The following WDFY4 variants were observed in gnomAD, a reference collection of about 807,000 sequenced individuals.
WDFY4 encodes the protein WDFY family member 4.
A neutral mutation model predicts 351.9 loss-of-function variants in WDFY4; 169 were observed. The ratio of observed to expected loss-of-function variants is 0.48; its 90% confidence interval spans 0.42 to 0.55. The LOEUF is 0.55. WDFY4 is among the 20% of genes least tolerant of loss of function. WDFY4 has a pLI of 0.00. For synonymous variants in WDFY4, 1,622 were observed against 1,574.6 expected (o/e 1.03, Z -0.71); for missense variants, 3,803 against 3,935.6 (o/e 0.97, Z 0.90).
chr10:48,957,527 C>T (rs1324109537), intron 52 of WDFY4, among the ~76,000 whole-genome samples: 1 of 152,202 alleles, frequency 6.6e-6, no homozygotes, highest in East Asian at 1.9e-4. Flanking sequence ...CTCCGAGGGT[C>T]CCAGGTCTCA....
chr10:48,930,204 A>G (rs1283468355), intron 47 of WDFY4, among the ~76,000 whole-genome samples: 1 of 152,184 alleles, frequency 6.6e-6, no homozygotes, highest in Non-Finnish European at 1.5e-5. Context: ...CCCAGATTTC[A>G]TAGCTGAGAG....
rs1288739640 is a variant in WDFY4, at chr10:48,776,994, G to C, written c.3098+10G>C. ...CCGTGGAAGGTTATGGGTATGACAG[G>C]CTTTCACATATTTAAAATGCACTTT... is the stretch of plus-strand genomic sequence containing the variant. On this transcript the variant is annotated intron_variant, in intron 16 of 61. Coordinates refer to ENST00000325239, the MANE Select transcript of WDFY4 (RefSeq NM_001394531.1). 1 of 1,540,986 alleles carries C rather than the reference G, an allele frequency of 6.5e-7. No individual in the cohort carries two copies. The highest frequency in any genetic ancestry group is 2.5e-5 in the East Asian group (1 of 40,802).
At chr10:48,924,938 A>G (rs758625690) in intron 47 of WDFY4, among the ~76,000 whole-genome samples, 1 of 152,216 alleles carries the variant, frequency 6.6e-6, no homozygotes, top group Non-Finnish European at 1.5e-5. Context: ...ACAATCTTAC[A>G]ATAATAATTT....
intron 4 of WDFY4, among the ~76,000 whole-genome samples, chr10:48,722,755 AT>A (rs1053765347): frequency 2.6e-5 from 4 of 152,204 alleles, no homozygotes; most frequent in African/African-American, 9.6e-5. Flanking sequence ...AGGTGCAGTA[AT>A]CCTGGTGGAG....
At chr10:48,766,463 A>C (rs562411339) in intron 13 of WDFY4, among the ~76,000 whole-genome samples, 1 of 152,282 alleles carries the variant, frequency 6.6e-6, no homozygotes, top group South Asian at 2.1e-4. Flanking sequence ...GGTGGTGTGC[A>C]CCTGTAGTCC....
At chr10:48,976,505 G>T (rs772728301) in intron 58 of WDFY4, 1 of 227,048 alleles carries the variant, frequency 4.4e-6, no homozygotes, top group Non-Finnish European at 8.6e-6. Flanking sequence ...TGGCAGTCAG[G>T]GTGTGGTTGG....
intron 24 of WDFY4, chr10:48,801,567 C>T (rs556372622): frequency 1.5e-4 from 69 of 454,406 alleles, no homozygotes; most frequent in South Asian, 8.3e-4. Flanking sequence ...TTCATCAATA[C>T]CAGCTGTCCC....
In WDFY4 at chr10:48,727,009, C is replaced by T. The variant is rs118132706; in HGVS notation, c.782-461C>T. On this transcript the variant is annotated intron_variant, in intron 6 of 61. Coordinates refer to ENST00000325239, the MANE Select transcript of WDFY4 (RefSeq NM_001394531.1). Reference sequence around the variant, plus strand: ...TCCTTCCTCTCTGTGGGCCACACTTCAGTGTTCCAATCCCCTGGCTTCTTC... The same window carrying T: ...TCCTTCCTCTCTGTGGGCCACACTTTAGTGTTCCAATCCCCTGGCTTCTTC... 2.2e-3 allele frequency among the ~76,000 whole-genome samples: 333 copies of T among 152,314 alleles called. 1 individual carries two copies. Among genetic ancestry groups the T allele is most frequent in the Admixed American group, 3.5e-3 (54 of 15,300 alleles).
At position 48,891,731 on chromosome 10, in the gene WDFY4, G is replaced by A. The variant is rs12098792; in HGVS notation, c.7316+1004G>A. ...CCTGAGGTTTAGTAAGTTCCCAGCTGATGCTGATTCTATTGCTGGTCTGGG... is the reference window on the plus strand; with the variant it reads ...CCTGAGGTTTAGTAAGTTCCCAGCTAATGCTGATTCTATTGCTGGTCTGGG... On this transcript the variant is annotated intron_variant, in intron 44 of 61. Coordinates refer to ENST00000325239, the MANE Select transcript of WDFY4 (RefSeq NM_001394531.1). 4.8e-3 allele frequency among the ~76,000 whole-genome samples: 737 copies of A among 152,330 alleles called. 12 individuals carry two copies. Among genetic ancestry groups the A allele is most frequent in the African/African-American group, 0.017 (708 of 41,576 alleles).
intron 39 of WDFY4, among the ~76,000 whole-genome samples, chr10:48,865,513 G>C (rs952214213): frequency 6.6e-6 from 1 of 152,088 alleles, no homozygotes. Flanking sequence ...ATGAGATATT[G>C]GTCTGTAGTT....
intron 5 of WDFY4, among the ~76,000 whole-genome samples, chr10:48,725,604 A>G (rs1272716605): frequency 2.0e-5 from 3 of 152,246 alleles, no homozygotes; most frequent in Non-Finnish European, 2.9e-5. Context: ...CATTAAAAAG[A>G]CACAAATTCA....
At chr10:48,781,360 G>A (rs542822200) in intron 19 of WDFY4, among the ~76,000 whole-genome samples, 11 of 151,954 alleles carry the variant, frequency 7.2e-5, no homozygotes, top group East Asian at 5.8e-4. Flanking sequence ...GCAATGGTGC[G>A]ATCTCAGCTC....
Position 48,867,478 on chromosome 10 carries a change from A to G in WDFY4, c.6741+136A>G, listed in dbSNP as rs2069591225. The G allele has an allele frequency of 1.8e-5, 8 of 438,194 alleles. No homozygotes were observed. In the South Asian group the frequency reaches 7.0e-4, roughly 39 times the overall value. 27.1% of individuals were successfully genotyped at this position (438,194 alleles called of 1,614,324 possible). On this transcript the variant is annotated intron_variant, in intron 40 of 61. Coordinates refer to ENST00000325239, the MANE Select transcript of WDFY4 (RefSeq NM_001394531.1). ...GCACCATGTTGGGGTTTTGCATTTT[A>G]TCCTAAATGCAATGGGTTGCCACTG...
chr10:48,963,692 C>T (rs3750869), intron 53 of WDFY4, 150 bp from the exon 54 acceptor site: 20 of 883,374 alleles, frequency 2.3e-5, no homozygotes, highest in Non-Finnish European at 3.2e-5. Flanking sequence ...CTCATCCTGC[C>T]TCTTTGTGCT....
At chr10:48,774,036 G>A (rs773216980) in intron 13 of WDFY4, among the ~76,000 whole-genome samples, 11 of 152,148 alleles carry the variant, frequency 7.2e-5, no homozygotes, top group Non-Finnish European at 1.2e-4. Flanking sequence ...TGGCCAGATC[G>A]TCCCATCTTT....
At position 48,795,532 on chromosome 10, in the gene WDFY4, TATAC is replaced by T. The variant is rs1565208097; in HGVS notation, c.4258-764_4258-761del. 2.4e-3 allele frequency among the ~76,000 whole-genome samples: 181 copies of T among 74,876 alleles called. 3 individuals carry two copies. The highest frequency in any genetic ancestry group is 0.011 in the African/African-American group (168 of 15,774). 49.1% of individuals were successfully genotyped at this position (74,876 alleles called of 152,430 possible). ...ATATATATATATATATACATATATA[TATAC>T]ACACACATGAATAGTCTGGAAAGAT... On this transcript the variant is annotated intron_variant, in intron 23 of 61. Coordinates refer to ENST00000325239, the MANE Select transcript of WDFY4 (RefSeq NM_001394531.1).
chr10:48,933,649 G>A (rs187903757), intron 47 of WDFY4, among the ~76,000 whole-genome samples: 1 of 152,274 alleles, frequency 6.6e-6, no homozygotes, highest in Non-Finnish European at 1.5e-5. Context: ...CCCAGTTCTA[G>A]GGGCTGAGAT....
At chr10:48,871,466 C>CT (rs200515085) in intron 40 of WDFY4, among the ~76,000 whole-genome samples, 12 of 125,504 alleles carry the variant, frequency 9.6e-5, no homozygotes, top group African/African-American at 3.8e-4. Flanking sequence ...TTTCTGGTGG[C>CT]CCCCCCCTTT....
intron 39 of WDFY4, among the ~76,000 whole-genome samples, chr10:48,844,103 G>A (rs894992986): frequency 1.3e-5 from 2 of 152,200 alleles, no homozygotes; most frequent in East Asian, 1.9e-4. Flanking sequence ...CCGCCTTCTC[G>A]CCCTGGGACC....
Sources: gnomAD v4.1 joint callset for allele counts (sites outside exome capture counted in the v4.1 genomes callset) on GRCh38, gnomAD v4.1.1 for gene constraint, MANE v1.5 for transcripts, NCBI Gene and HGNC (gene_info 2026-07-23, HGNC 2026-07-21) for gene names.